UBP1: variants seen among roughly 807,000 people sequenced by gnomAD.
The protein encoded by UBP1 is upstream binding protein 1.
Under a neutral mutation model 76.1 loss-of-function variants are expected in UBP1, and 22 were observed. That is an observed-to-expected ratio of 0.29 (90% CI 0.21 to 0.41). The LOEUF (loss-of-function observed/expected upper bound fraction) is 0.41, where lower values mean the gene tolerates loss of function less well. Among genes scored for constraint, UBP1 ranks in the 10% least tolerant of loss-of-function variants. The pLI is 1.00. For missense variants in UBP1, 436 were observed against 668.1 expected (o/e 0.65, Z 3.83); for synonymous variants, 224 against 237.1 (o/e 0.94, Z 0.51).
At position 33,400,287 on chromosome 3, in the gene UBP1, TAAC is replaced by T. The variant is rs1227770267; in HGVS notation, c.1087-8_1087-6del. The T allele has an allele frequency of 4.4e-6, 7 of 1,589,138 alleles. No homozygotes were observed. In the Admixed American group the frequency reaches 1.1e-4, roughly 26 times the overall value. The stretch of plus-strand genomic sequence containing the variant: ...CGTAGCTGAAGGCTGAATTTGCTAT[TAAC>T]AATGAAAATGAACATAAATAAAAGG... On this transcript the variant is annotated splice_region_variant and splice_polypyrimidine_tract_variant and intron_variant, in intron 10 of 15. Coordinates refer to ENST00000283629, the MANE Select transcript of UBP1 (RefSeq NM_014517.5).
chr3:33,390,209 G>T lies in UBP1; in HGVS notation c.*122C>A. The T allele has an allele frequency of 1.0e-6, 1 of 978,180 alleles. No homozygotes were observed. Among genetic ancestry groups the T allele is most frequent in the Non-Finnish European group, 1.5e-6 (1 of 647,164 alleles). The allele number at this position is 978,180 out of a possible 1,614,324, so 60.6% of individuals were successfully genotyped here. Reference sequence around the variant, plus strand: ...TACAGCTCATTAGAAAGGTCATCTTGTGTTTTCAATATGAAACATTTCATA... The same window carrying T: ...TACAGCTCATTAGAAAGGTCATCTTTTGTTTTCAATATGAAACATTTCATA... On this transcript the variant is annotated 3_prime_UTR_variant, in exon 16 of 16. Coordinates refer to ENST00000283629, the MANE Select transcript of UBP1 (RefSeq NM_014517.5).
chr3:33,394,817 GTTT>G (rs76142927), intron 13 of UBP1, among the ~76,000 whole-genome samples: 3 of 110,442 alleles, frequency 2.7e-5, no homozygotes, highest in African/African-American at 8.8e-5. Flanking sequence ...CCCTCCACTT[GTTT>G]TTTTTTTTTT....
intron 1 of UBP1, 67 bp downstream of exon 1, chr3:33,439,669 A>G (rs2045258842): frequency 6.5e-7 from 1 of 1,537,174 alleles, no homozygotes; most frequent in Non-Finnish European, 8.9e-7. Context: ...CATCTGGCAG[A>G]GACTCAGGGC....
chr3:33,412,913 T>G (rs1354707533), intron 3 of UBP1, 86 bp from the exon 4 acceptor site: 17 of 869,168 alleles, frequency 2.0e-5, no homozygotes, highest in African/African-American at 8.2e-5. Flanking sequence ...TGTTAACCTG[T>G]AGCAGTAGAA....
At chr3:33,411,749 CTTACTATATTATG>C in intron 4 of UBP1, 62 bp from the exon 5 acceptor site, 1 of 1,303,950 alleles carries the variant, frequency 7.7e-7, no homozygotes, top group African/African-American at 1.5e-5. Flanking sequence ...AAACTTACAA[CTTACTATATTATG>C]TTCTAATGAA....
Position 33,388,727 on chromosome 3 carries a change from C to T in UBP1, c.*1604G>A, listed in dbSNP as rs1223112827. 6.6e-6 allele frequency: 1 copy of T among 152,204 alleles called. No individual in the cohort carries two copies. Among genetic ancestry groups the T allele is most frequent in the Non-Finnish European group, 1.5e-5 (1 of 68,036 alleles). The allele number at this position is 152,204 out of a possible 1,614,324, so 9.4% of individuals were successfully genotyped here. A position where few individuals can be genotyped will look rare whatever the true frequency, so the allele number is the denominator to read the frequency against. The stretch of plus-strand genomic sequence containing the variant: ...GGAAAAAGTCAGAAAGGAAAACTCT[C>T]TGCCTATAGGATCTATAGGAGTTAC... On this transcript the variant is annotated 3_prime_UTR_variant, in exon 16 of 16. Coordinates refer to ENST00000283629, the MANE Select transcript of UBP1 (RefSeq NM_014517.5).
chr3:33,413,865 G>C (rs2044661177), intron 3 of UBP1, among the ~76,000 whole-genome samples: 1 of 152,124 alleles, frequency 6.6e-6, no homozygotes, highest in Non-Finnish European at 1.5e-5. Context: ...TCATAGTGAT[G>C]GTGCATAGGC....
In UBP1 at chr3:33,409,252, G is replaced by T. The variant is rs550562294; in HGVS notation, c.803C>A (p.Thr268Asn). The change falls in exon 7 of 16, where the codon ACC becomes AAC. Residue 268 changes from threonine to asparagine, a missense_variant. Physicochemically the swap from Thr to Asn is moderately conservative, Grantham distance 65. Coordinates refer to ENST00000283629, the MANE Select transcript of UBP1 (RefSeq NM_014517.5). Reference protein sequence around the residue: ...EKEKYQPSYDTTILTEMRLEP... With the variant: ...EKEKYQPSYDNTILTEMRLEP... ...CTACATTACCTCTGTGAGGATTGTG[G>T]TATCATAGGACGGCTGATACTTTTC... 1 of 1,613,958 alleles carries T rather than the reference G, an allele frequency of 6.2e-7. No homozygotes were observed. The highest frequency in any genetic ancestry group is 1.3e-5 in the African/African-American group (1 of 75,008).
chr3:33,439,820 A>T lies in UBP1; in HGVS notation c.29T>A (p.Val10Glu). 2.5e-6 allele frequency: 4 copies of T among 1,612,480 alleles called. No individual in the cohort carries two copies. Among genetic ancestry groups the T allele is most frequent in the Non-Finnish European group, 3.4e-6 (4 of 1,179,628 alleles). Residue 10 changes from valine (V) to glutamate (E), a missense_variant, in exon 1 of 16, where the codon GTG becomes GAG. Coordinates refer to ENST00000283629, the MANE Select transcript of UBP1 (RefSeq NM_014517.5). ...GTCGTGCACCAGCCCGGACTCGATC[A>T]CCTCGTCCATCTTGAGCACCCAGGC... is the stretch of plus-strand genomic sequence containing the variant. MAWVLKMDE[V>E]IESGLVHDFD...
chr3:33,420,385 G>A (rs929473618), intron 2 of UBP1, among the ~76,000 whole-genome samples: 1 of 151,992 alleles, frequency 6.6e-6, no homozygotes, highest in African/African-American at 2.4e-5. Flanking sequence ...GAGTACAGTG[G>A]TGCAATCTGG....
At chr3:33,406,767 A>AGTG (rs765449090) in intron 8 of UBP1, among the ~76,000 whole-genome samples, 1 of 152,202 alleles carries the variant, frequency 6.6e-6, no homozygotes, top group Non-Finnish European at 1.5e-5. Flanking sequence ...CACTGTGAAC[A>AGTG]CAGTCCCTCC....
intron 9 of UBP1, among the ~76,000 whole-genome samples, chr3:33,402,085 A>G (rs1289974028): frequency 6.6e-6 from 1 of 152,310 alleles, no homozygotes; most frequent in East Asian, 1.9e-4. Context: ...TTGTGATCTT[A>G]GCTTTCATAA....
intron 5 of UBP1, 147 bp downstream of exon 5, chr3:33,411,434 G>T: frequency 1.6e-6 from 1 of 641,522 alleles, no homozygotes; most frequent in Non-Finnish European, 2.7e-6. Flanking sequence ...GAACTTACTA[G>T]ATTAAACCTA....
chr3:33,393,457 G>GA lies in UBP1; in HGVS notation c.1391-4dup. The GA allele has an allele frequency of 6.4e-7, 1 of 1,568,462 alleles. No individual in the cohort carries two copies. On this transcript the variant is annotated splice_polypyrimidine_tract_variant and splice_region_variant and intron_variant, in intron 13 of 15. Coordinates refer to ENST00000283629, the MANE Select transcript of UBP1 (RefSeq NM_014517.5). ...TTCCAAGTAGATTGCATGATAAACTGAAATTAAAAAAAAAAAAAGAAAAGC... is the reference window on the plus strand; with the variant it reads ...TTCCAAGTAGATTGCATGATAAACTGAAAATTAAAAAAAAAAAAAGAAAAGC...
At chr3:33,398,796 G>A (rs1220513806) in intron 11 of UBP1, among the ~76,000 whole-genome samples, 7 of 152,128 alleles carry the variant, frequency 4.6e-5, no homozygotes, top group Admixed American at 1.3e-4. Context: ...TCCAAATGTC[G>A]GCGCTTTTTC....
chr3:33,392,976 T>C (rs1017164466), intron 14 of UBP1: 1 of 311,584 alleles, frequency 3.2e-6, no homozygotes, highest in East Asian at 5.6e-5. Context: ...TTTTTTAAAT[T>C]AGTCATCAAA....
chr3:33,424,953 G>A (rs1448382901), intron 2 of UBP1, among the ~76,000 whole-genome samples: 1 of 152,114 alleles, frequency 6.6e-6, no homozygotes, highest in Non-Finnish European at 1.5e-5. Flanking sequence ...GCTGAGGCAC[G>A]AGAATTGCTT....
intron 13 of UBP1, among the ~76,000 whole-genome samples, chr3:33,395,143 T>C (rs1322408980): frequency 2.6e-5 from 4 of 152,192 alleles, no homozygotes; most frequent in Non-Finnish European, 4.4e-5. Context: ...ATTTTTATCC[T>C]TTAAGAATTT....
At chr3:33,430,822 T>C (rs1271891314) in intron 1 of UBP1, among the ~76,000 whole-genome samples, 10 of 152,096 alleles carry the variant, frequency 6.6e-5, no homozygotes, top group Non-Finnish European at 4.4e-5. Flanking sequence ...CCAGGTAACA[T>C]GGCCTCCTCC....
Sources: gnomAD v4.1 joint callset for allele counts (sites outside exome capture counted in the v4.1 genomes callset) on GRCh38, gnomAD v4.1.1 for gene constraint, MANE v1.5 for transcripts, NCBI Gene and HGNC (gene_info 2026-07-23, HGNC 2026-07-21) for gene names.